Variants in ALK observed in about 807,000 individuals in gnomAD.
ALK encodes ALK tyrosine kinase receptor.
ALK carries 74 observed loss-of-function variants against 163.1 expected under a neutral mutation model. The observed-to-expected ratio is 0.45, with a 90% CI of 0.38 to 0.55. ALK has a LOEUF of 0.55. Ranked by LOEUF, ALK falls within the 20% of genes least tolerant of loss-of-function variation. ALK has a pLI of 0.00. For missense variants in ALK, 2,063 were observed against 2,105.3 expected (o/e 0.98, Z 0.39); for synonymous variants, 960 against 843.2 (o/e 1.14, Z -2.40).
intron 1 of ALK, among the ~76,000 whole-genome samples, chr2:29,827,149 G>C (rs186744436): frequency 2.8e-4 from 43 of 152,332 alleles, no homozygotes; most frequent in Non-Finnish European, 5.1e-4. Flanking sequence ...TCAAGCAATG[G>C]TCTCAGAACA....
At chr2:29,434,788 C>A (rs1670359383) in intron 4 of ALK, among the ~76,000 whole-genome samples, 1 of 152,184 alleles carries the variant, frequency 6.6e-6, no homozygotes, top group Non-Finnish European at 1.5e-5. Flanking sequence ...TTCTAATGGA[C>A]ATTGCTGAGC....
intron 4 of ALK, among the ~76,000 whole-genome samples, chr2:29,479,591 G>C (rs1671611942): frequency 6.6e-6 from 1 of 152,154 alleles, no homozygotes; most frequent in Non-Finnish European, 1.5e-5. Context: ...ATCTCCTTTA[G>C]GATAAATTGT....
chr2:29,339,313 A>G (rs529855248), intron 5 of ALK, among the ~76,000 whole-genome samples: 1 of 151,622 alleles, frequency 6.6e-6, no homozygotes, highest in Non-Finnish European at 1.5e-5. Context: ...GATGAGAGAG[A>G]ATCAGCCATG....
At position 29,193,178 on chromosome 2, in the gene ALK, A is replaced by C. The variant is rs750105816; in HGVS notation, c.*46T>G. 19 of 1,590,446 alleles carry C rather than the reference A, an allele frequency of 1.2e-5. No individual in the cohort carries two copies. Among genetic ancestry groups the C allele is most frequent in the Non-Finnish European group, 1.6e-5 (19 of 1,161,084 alleles). ...AGGAGCCATTGCCTCTCTCTCCTCC[A>C]CGGTCTTAGGGATCCCAAGGAAGAG... On this transcript the variant is annotated 3_prime_UTR_variant, in exon 29 of 29. Transcript: ENST00000389048.
chr2:29,752,353 T>C lies in ALK; in HGVS notation c.668-34656A>G, dbSNP rs989922371. 7.4e-4 allele frequency among the ~76,000 whole-genome samples: 109 copies of C among 146,868 alleles called. 1 individual carries two copies. Among genetic ancestry groups the C allele is most frequent in the Admixed American group, 4.0e-4 (6 of 14,848 alleles). ...GACTTCTGCTATTTTCTTTTCTTTT[T>C]TTTTTTTTTTTTTTGAGACGGAGTT... On this transcript the variant is annotated intron_variant, in intron 1 of 28. Coordinates refer to ENST00000389048, the MANE Select transcript of ALK (RefSeq NM_004304.5).
At chr2:29,909,500 G>GAGAGAT (rs1667643037) in intron 1 of ALK, among the ~76,000 whole-genome samples, 1 of 151,344 alleles carries the variant, frequency 6.6e-6, no homozygotes. Flanking sequence ...GAGAGAGAGA[G>GAGAGAT]AGAGAGAGAG....
chr2:29,903,220 G>A (rs1369571566), intron 1 of ALK, among the ~76,000 whole-genome samples: 1 of 152,178 alleles, frequency 6.6e-6, no homozygotes, highest in Non-Finnish European at 1.5e-5. Context: ...GTAGAATGAA[G>A]AATTGGAATT....
intron 1 of ALK, among the ~76,000 whole-genome samples, chr2:29,845,537 C>T (rs552760817): frequency 1.8e-4 from 28 of 152,108 alleles, no homozygotes; most frequent in Admixed American, 9.8e-4. Flanking sequence ...CAGGTTCAAG[C>T]GATTCTCCTG....
intron 1 of ALK, chr2:29,891,129 A>G (rs1487863529): frequency 1.3e-5 from 2 of 152,226 alleles, no homozygotes; most frequent in Non-Finnish European, 2.9e-5. Flanking sequence ...TGGATGCTTT[A>G]TAAGTATTTA....
intron 3 of ALK, among the ~76,000 whole-genome samples, chr2:29,542,494 T>C (rs1673439877): frequency 6.6e-6 from 1 of 152,234 alleles, no homozygotes; most frequent in South Asian, 2.1e-4. Flanking sequence ...AATCATTGAA[T>C]ATTTGAAATG....
intron 5 of ALK, among the ~76,000 whole-genome samples, chr2:29,346,473 G>C (rs1667952123): frequency 1.3e-5 from 2 of 152,216 alleles, no homozygotes; most frequent in Non-Finnish European, 2.9e-5. Flanking sequence ...GGGCCACCAA[G>C]CTGTTGGCAT....
rs56339658 is a variant in ALK, at chr2:29,505,806, GA to G, written c.1154+26108del. On this transcript the variant is annotated intron_variant, in intron 4 of 28. Transcript: ENST00000389048. ...ATAATCTAAGGCAGCTACACTAATT[GA>G]AAAAAAAAAAAAAAGTCAGTTTGGT... 7.4e-4 allele frequency among the ~76,000 whole-genome samples: 102 copies of G among 137,906 alleles called. 1 individual carries two copies. The highest frequency in any genetic ancestry group is 1.7e-3 in the African/African-American group (62 of 36,012). 90.5% of individuals were successfully genotyped at this position (137,906 alleles called of 152,430 possible). A position where few individuals can be genotyped will look rare whatever the true frequency, so the allele number is the denominator to read the frequency against.
intron 3 of ALK, among the ~76,000 whole-genome samples, chr2:29,666,953 T>G (rs1677531180): frequency 6.6e-6 from 1 of 152,130 alleles, no homozygotes; most frequent in Non-Finnish European, 1.5e-5. Flanking sequence ...TGTCTTTCTG[T>G]GCCTGGCTTA....
At chr2:29,214,953 C>T (rs886495163) in intron 23 of ALK, among the ~76,000 whole-genome samples, 2 of 152,112 alleles carry the variant, frequency 1.3e-5, no homozygotes, top group African/African-American at 4.8e-5. Flanking sequence ...ACTGGGGGTT[C>T]AGTGAGTGTT....
chr2:29,522,471 C>T (rs10171104), intron 4 of ALK, among the ~76,000 whole-genome samples: 9,259 of 152,092 alleles, frequency 0.061, 481 homozygotes, highest in African/African-American at 0.14. Context: ...GGTCCTGTCC[C>T]GTCCCCAGCC....
intron 3 of ALK, among the ~76,000 whole-genome samples, chr2:29,648,766 G>A (rs1488706266): frequency 6.6e-6 from 1 of 151,908 alleles, no homozygotes; most frequent in Non-Finnish European, 1.5e-5. Context: ...CTGTCTTCTG[G>A]ATCCCATGTT....
chr2:29,281,780 T>G (rs187396240), intron 9 of ALK, among the ~76,000 whole-genome samples: 4 of 152,196 alleles, frequency 2.6e-5, no homozygotes, highest in African/African-American at 9.6e-5. Flanking sequence ...AGCTTCAGAA[T>G]TGGGCGCCTC....
intron 1 of ALK, among the ~76,000 whole-genome samples, chr2:29,879,694 T>G (rs1666807574): frequency 6.6e-6 from 1 of 152,220 alleles, no homozygotes; most frequent in Admixed American, 6.5e-5. Context: ...ACAGAGTGAT[T>G]GTTCCTAAGA....
intron 1 of ALK, among the ~76,000 whole-genome samples, chr2:29,823,021 C>A (rs947557354): frequency 2.0e-5 from 3 of 152,186 alleles, no homozygotes; most frequent in Non-Finnish European, 4.4e-5. Context: ...TGAATTTCCA[C>A]GTGTTATGGG....
Sources: allele counts gnomAD v4.1 joint callset (sites outside exome capture counted in the v4.1 genomes callset), GRCh38; gene constraint gnomAD v4.1.1; transcripts MANE v1.5; gene names NCBI Gene and HGNC (gene_info 2026-07-23, HGNC 2026-07-21).